The following PHF24 variants were observed in gnomAD, a reference collection of about 807,000 sequenced individuals.
PHF24 encodes the protein PHD finger protein 24.
A neutral mutation model predicts 42.6 loss-of-function variants in PHF24; 25 were observed. The ratio of observed to expected loss-of-function variants is 0.59; its 90% CI spans 0.43 to 0.82. PHF24 has a LOEUF of 0.82. Among genes scored for constraint, PHF24 ranks in the 40% least tolerant of loss-of-function variants. PHF24 has a pLI of 0.00. For missense variants in PHF24, 470 were observed against 538.1 expected, an observed-to-expected ratio of 0.87 and a Z score of 1.25; for synonymous variants, 185 against 204.8, an observed-to-expected ratio of 0.90 and a Z score of 0.83.
chr9:34,902,654 A>G, the PHF24 span, among the ~76,000 whole-genome samples: 1 of 144,474 alleles, frequency 6.9e-6, no homozygotes, highest in Non-Finnish European at 1.5e-5. Context: ...ACCCTGTCTC[A>G]AAAAAATAAA....
chr9:34,957,422 C>T (rs1291361834), upstream of PHF24, among the ~76,000 whole-genome samples: 2 of 152,152 alleles, frequency 1.3e-5, no homozygotes, highest in African/African-American at 2.4e-5. Flanking sequence ...GGCTATCTTA[C>T]GATTTTATCT....
the PHF24 span, among the ~76,000 whole-genome samples, chr9:34,671,170 G>T: frequency 6.6e-6 from 1 of 152,104 alleles, no homozygotes; most frequent in Non-Finnish European, 1.5e-5. Context: ...ATTCTCTACC[G>T]TGGCCTCCCT....
chr9:34,973,937 T>G (rs994501841), intron 3 of PHF24, among the ~76,000 whole-genome samples: 7 of 152,208 alleles, frequency 4.6e-5, no homozygotes, highest in Non-Finnish European at 8.8e-5. Flanking sequence ...TCCACTGGGC[T>G]TTTTACAGAG....
At chr9:34,666,544 T>C in the PHF24 span, among the ~76,000 whole-genome samples, 1 of 140,264 alleles carries the variant, frequency 7.1e-6, no homozygotes, top group African/African-American at 2.8e-5. Flanking sequence ...GAGACCTATC[T>C]TCTTGTGATT....
the PHF24 span, among the ~76,000 whole-genome samples, chr9:34,831,459 A>G: frequency 1.4e-4 from 22 of 152,278 alleles, no homozygotes; most frequent in Admixed American, 6.5e-4. Context: ...ATATGTTTAG[A>G]AAACCTCTTA....
exon 8 of PHF24, chr9:34,981,317 A>G (rs1200181874): frequency 6.6e-6 from 1 of 152,232 alleles, no homozygotes; most frequent in African/African-American, 2.4e-5. Context: ...TGTCACCATT[A>G]TGAAAAACAC....
the PHF24 span, among the ~76,000 whole-genome samples, chr9:34,827,622 C>CA: frequency 6.6e-6 from 1 of 152,166 alleles, no homozygotes; most frequent in Non-Finnish European, 1.5e-5. Context: ...CACTGTCCCT[C>CA]AAAACATGTC....
the PHF24 span, among the ~76,000 whole-genome samples, chr9:34,852,875 G>A: frequency 1.3e-5 from 2 of 152,152 alleles, no homozygotes; most frequent in African/African-American, 4.8e-5. Flanking sequence ...ATCCTTTTGA[G>A]TAGCTGGAAT....
the PHF24 span, among the ~76,000 whole-genome samples, chr9:34,748,463 G>A: frequency 2.6e-5 from 4 of 152,178 alleles, no homozygotes; most frequent in African/African-American, 9.6e-5. Context: ...ACCCAGCACA[G>A]TCCTAGTTGT....
the PHF24 span, among the ~76,000 whole-genome samples, chr9:34,768,436 C>G: frequency 1.3e-5 from 2 of 152,104 alleles, no homozygotes; most frequent in Non-Finnish European, 2.9e-5. Context: ...GGAATTAGAC[C>G]TAGATTTGAA....
At chr9:34,712,736 A>AT in the PHF24 span, among the ~76,000 whole-genome samples, 77 of 148,982 alleles carry the variant, frequency 5.2e-4, no homozygotes, top group Admixed American at 1.5e-3. Context: ...TAAGACAGTT[A>AT]TTTTTTTTTT....
Position 34,976,233 on chromosome 9 carries a change from A to G in PHF24, c.643+3A>G. The G allele has an allele frequency of 6.2e-7, 1 of 1,612,948 alleles. No homozygotes were observed. Among genetic ancestry groups the G allele is most frequent in the Middle Eastern group, 1.7e-4 (1 of 6,054 alleles). ...TCAGCGGTGTAAAGTCATCCCTGGT[A>G]AGGTTGGGTGGTGCTGCATGGATGG... On this transcript the variant is annotated splice_donor_region_variant and intron_variant, in intron 4 of 7. Coordinates refer to ENST00000242315, the Ensembl canonical transcript of PHF24.
the PHF24 span, chr9:34,835,264 C>T: frequency 1.5e-5 from 23 of 1,552,248 alleles, no homozygotes; most frequent in Non-Finnish European, 1.9e-5. Flanking sequence ...GAAGAGAGAC[C>T]TGAGAAGTAT....
chr9:34,845,238 A>G, the PHF24 span, among the ~76,000 whole-genome samples: 3 of 152,306 alleles, frequency 2.0e-5, no homozygotes, highest in East Asian at 5.8e-4. Flanking sequence ...ATTCTCTTGC[A>G]GGCAGCATAC....
At chr9:34,849,580 T>C in the PHF24 span, among the ~76,000 whole-genome samples, 1 of 152,206 alleles carries the variant, frequency 6.6e-6, no homozygotes, top group South Asian at 2.1e-4. Flanking sequence ...GTCTTTTAAT[T>C]GGAGCATTTA....
chr9:34,687,056 T>G, the PHF24 span, among the ~76,000 whole-genome samples: 1 of 149,756 alleles, frequency 6.7e-6, no homozygotes. Flanking sequence ...GTTGGTATGG[T>G]TGGGGGGTGG....
chr9:34,751,824 T>C, the PHF24 span, among the ~76,000 whole-genome samples: 1 of 152,066 alleles, frequency 6.6e-6, no homozygotes, highest in Non-Finnish European at 1.5e-5. Flanking sequence ...TCTTAAAACT[T>C]AAAAAAATTG....
At chr9:34,810,160 G>C in the PHF24 span, among the ~76,000 whole-genome samples, 24 of 152,204 alleles carry the variant, frequency 1.6e-4, no homozygotes, top group East Asian at 3.5e-3. Context: ...GACGGCCCCG[G>C]TAAGTGGGGA....
At chr9:34,797,338 C>T in the PHF24 span, among the ~76,000 whole-genome samples, 1 of 152,142 alleles carries the variant, frequency 6.6e-6, no homozygotes, top group East Asian at 1.9e-4. Flanking sequence ...TATATCTTGT[C>T]GCAAGGACAG....
Sources: allele counts gnomAD v4.1 joint callset (sites outside exome capture counted in the v4.1 genomes callset), GRCh38; gene constraint gnomAD v4.1.1; transcripts MANE v1.5; gene names NCBI Gene and HGNC (gene_info 2026-07-23, HGNC 2026-07-21).